AP2B1: variants seen among roughly 807,000 people sequenced by gnomAD.
AP2B1 encodes AP-2 complex subunit beta.
In AP2B1, 23 loss-of-function variants were observed where a neutral mutation model predicts 102.0. The observed-to-expected ratio is 0.23, with a 90% CI of 0.16 to 0.32. AP2B1 has a LOEUF of 0.32. Among genes scored for constraint, AP2B1 ranks in the 10% least tolerant of loss-of-function variants. The probability of loss-of-function intolerance (pLI) is 1.00; values close to 1 mark genes in which losing one functional copy is unlikely to be tolerated. For synonymous variants in AP2B1, 381 were observed against 421.2 expected (o/e 0.90, Z 1.17); for missense variants, 541 against 1,157.4 (o/e 0.47, Z 7.73).
chr17:35,597,832 C>T (rs894014379), intron 2 of AP2B1, among the ~76,000 whole-genome samples: 11 of 152,158 alleles, frequency 7.2e-5, no homozygotes, highest in African/African-American at 2.4e-4. Flanking sequence ...TAAAGCCGAG[C>T]GTGGGTAAAT....
rs1208973388 is a variant in AP2B1 at position 35,720,573 on chromosome 17, A to ATTTTTT, written c.2782-3030_2782-3025dup. ...TATATATATATATATATATATATAT[A>ATTTTTT]TTTTTTTTTTTTTTTTTTTTTTTTT... is the stretch of plus-strand genomic sequence containing the variant. On this transcript the variant is annotated intron_variant, in intron 21 of 21. Transcript: ENST00000610402. Among the ~76,000 whole-genome samples, 24 of 28,074 alleles carry ATTTTTT rather than the reference A, an allele frequency of 8.5e-4. 2 individuals carry two copies. Among genetic ancestry groups the ATTTTTT allele is most frequent in the Admixed American group, 3.6e-3 (6 of 1,662 alleles). 18.4% of individuals were successfully genotyped at this position (28,074 alleles called of 152,430 possible). A position where few individuals can be genotyped will look rare whatever the true frequency, so the allele number is the denominator to read the frequency against.
intron 1 of AP2B1, among the ~76,000 whole-genome samples, chr17:35,592,701 C>G (rs1003882114): frequency 2.6e-5 from 4 of 152,080 alleles, no homozygotes; most frequent in South Asian, 4.1e-4. Flanking sequence ...TGCCACCATG[C>G]CCAGCTAAAT....
rs2073689319 is a variant in AP2B1 at position 35,606,720 on chromosome 17, AT to A, written c.279+881del. 7.2e-5 allele frequency among the ~76,000 whole-genome samples: 11 copies of A among 152,226 alleles called. 1 individual carries two copies. In the South Asian group the frequency reaches 2.3e-3, roughly 32 times the overall value. On this transcript the variant is annotated intron_variant, in intron 4 of 21. Transcript: ENST00000610402. ...TCTCCTGCTGGATAATTTTAAAGAA[AT>A]CCTGAACATCATATATTAAATAGTT...
intron 18 of AP2B1, among the ~76,000 whole-genome samples, chr17:35,704,510 A>G (rs2076300914): frequency 6.6e-6 from 1 of 152,180 alleles, no homozygotes; most frequent in African/African-American, 2.4e-5. Context: ...GAGGTAGTCA[A>G]TATGCTAGCG....
chr17:35,596,773 C>T (rs1248036707), intron 2 of AP2B1: 11 of 577,736 alleles, frequency 1.9e-5, no homozygotes, highest in Non-Finnish European at 3.2e-5. Flanking sequence ...GCGCCCGCAG[C>T]TGCGCCCCCT....
intron 18 of AP2B1, among the ~76,000 whole-genome samples, chr17:35,696,263 G>A (rs936786887): frequency 2.6e-5 from 4 of 151,898 alleles, no homozygotes; most frequent in Non-Finnish European, 5.9e-5. Flanking sequence ...TCTCCATATC[G>A]TATAGCTTAC....
At chr17:35,663,266 C>T (rs1372903757) in intron 14 of AP2B1, among the ~76,000 whole-genome samples, 4 of 152,162 alleles carry the variant, frequency 2.6e-5, no homozygotes, top group Admixed American at 6.5e-5. Context: ...TCAGTGCATA[C>T]GTTTAGTCAA....
intron 14 of AP2B1, among the ~76,000 whole-genome samples, chr17:35,664,973 A>G (rs2075433786): frequency 6.6e-6 from 1 of 151,966 alleles, no homozygotes; most frequent in Admixed American, 6.6e-5. Flanking sequence ...CCCTCAGGTT[A>G]TGGAGTCTTC....
chr17:35,628,775 T>TATCCA (rs2074384012), intron 9 of AP2B1, among the ~76,000 whole-genome samples: 1 of 152,224 alleles, frequency 6.6e-6, no homozygotes, highest in African/African-American at 2.4e-5. Context: ...AATGAAGGTT[T>TATCCA]TTGTTCCTAT....
At chr17:35,587,961 A>G (rs1335952081) in intron 1 of AP2B1, 4 of 152,272 alleles carry the variant, frequency 2.6e-5, no homozygotes, top group Non-Finnish European at 5.9e-5. Flanking sequence ...CCACCTGGGG[A>G]AAGAAGAGGC....
In AP2B1 at chr17:35,613,932, G is replaced by GT. The variant is rs200142766; in HGVS notation, c.525+5553dup. Among the ~76,000 whole-genome samples, 856 of 151,920 alleles carry GT rather than the reference G, an allele frequency of 5.6e-3. 4 individuals are homozygous for GT. The highest frequency in any genetic ancestry group is 0.021 in the Middle Eastern group (6 of 292). On this transcript the variant is annotated intron_variant, in intron 5 of 21. Coordinates refer to ENST00000610402, the MANE Select transcript of AP2B1 (RefSeq NM_001030006.2). ...GAGCTATAGGGAAATAGCTTTTGTGGTTTTTTTTACAAATGTCACAAGTAT... is the reference window on the plus strand; with the variant it reads ...GAGCTATAGGGAAATAGCTTTTGTGGTTTTTTTTTACAAATGTCACAAGTAT...
chr17:35,720,450 A>G (rs1382149067), intron 21 of AP2B1, among the ~76,000 whole-genome samples: 112 of 150,668 alleles, frequency 7.4e-4, no homozygotes, highest in Non-Finnish European at 5.9e-5. Context: ...TAAATTCAGC[A>G]TGGAATAAAT....
intron 12 of AP2B1, among the ~76,000 whole-genome samples, chr17:35,643,525 A>G (rs2074844271): frequency 6.6e-6 from 1 of 152,206 alleles, no homozygotes; most frequent in African/African-American, 2.4e-5. Flanking sequence ...ACTCAGTCTC[A>G]TTACCTCTTA....
intron 14 of AP2B1, chr17:35,660,172 G>T (rs1047476674): frequency 1.2e-5 from 9 of 746,806 alleles, no homozygotes; most frequent in Non-Finnish European, 1.5e-5. Flanking sequence ...GTGGAAATGG[G>T]TTCTCACTAT....
At chr17:35,593,184 T>A (rs1029376809) in intron 1 of AP2B1, among the ~76,000 whole-genome samples, 9 of 152,192 alleles carry the variant, frequency 5.9e-5, no homozygotes, top group Admixed American at 2.6e-4. Context: ...CATTTTTTTT[T>A]AAATCCAAAA....
chr17:35,671,698 G>A, intron 15 of AP2B1, 56 bp from the exon 16 acceptor site: 1 of 1,552,372 alleles, frequency 6.4e-7, no homozygotes, highest in East Asian at 2.2e-5. Context: ...AATATTTTAA[G>A]GACTGTTAAT....
chr17:35,636,939 T>C (rs2074623499), intron 10 of AP2B1, among the ~76,000 whole-genome samples: 1 of 152,204 alleles, frequency 6.6e-6, no homozygotes, highest in South Asian at 2.1e-4. Context: ...TTGTGGAGAA[T>C]TACAGAACAT....
intron 2 of AP2B1, among the ~76,000 whole-genome samples, chr17:35,596,585 C>T (rs1040384657): frequency 2.0e-5 from 3 of 151,898 alleles, no homozygotes; most frequent in Non-Finnish European, 2.9e-5. Context: ...GCCGTCATCC[C>T]GCGCCTGCCA....
chr17:35,640,056 A>G (rs1322809124), intron 11 of AP2B1, among the ~76,000 whole-genome samples: 3 of 151,658 alleles, frequency 2.0e-5, no homozygotes, highest in Admixed American at 1.3e-4. Flanking sequence ...AGCTGGGATT[A>G]TAGGTGTGCA....
Sources: gnomAD v4.1 joint callset for allele counts (sites outside exome capture counted in the v4.1 genomes callset) on GRCh38, gnomAD v4.1.1 for gene constraint, MANE v1.5 for transcripts, NCBI Gene and HGNC (gene_info 2026-07-23, HGNC 2026-07-21) for gene names.